The following FSTL4 variants were observed in gnomAD, a reference collection of about 807,000 sequenced individuals.
FSTL4 encodes the protein follistatin like 4.
FSTL4 carries 28 observed loss-of-function variants against 78.2 expected under a neutral mutation model. That is an observed-to-expected ratio of 0.36 (90% CI 0.27 to 0.49). The LOEUF is 0.49. Among genes scored for constraint, FSTL4 ranks in the 20% least tolerant of loss-of-function variants. The pLI is 0.98. For synonymous variants in FSTL4, 422 were observed against 440.5 expected (o/e 0.96, Z 0.53); for missense variants, 922 against 1,084.9 (o/e 0.85, Z 2.11).
intron 3 of FSTL4, among the ~76,000 whole-genome samples, chr5:133,524,153 AAGG>A (rs1759040742): frequency 6.6e-6 from 1 of 152,106 alleles, no homozygotes; most frequent in Non-Finnish European, 1.5e-5. Flanking sequence ...TGAGGGGCAG[AAGG>A]AGGACAGGTC....
chr5:133,692,338 G>A, the FSTL4 span, among the ~76,000 whole-genome samples: 3 of 152,296 alleles, frequency 2.0e-5, no homozygotes, highest in Non-Finnish European at 2.9e-5. Context: ...GAGCCTTAGC[G>A]TGGGTTTCAT....
intron 4 of FSTL4, among the ~76,000 whole-genome samples, chr5:133,372,628 T>C (rs1385883794): frequency 1.3e-5 from 2 of 152,202 alleles, no homozygotes; most frequent in Non-Finnish European, 2.9e-5. Flanking sequence ...ACCAGCCCGA[T>C]GAAAGAGAGC....
chr5:133,407,710 A>G (rs13166045), intron 3 of FSTL4, among the ~76,000 whole-genome samples: 54,691 of 152,132 alleles, frequency 0.36, 10,199 homozygotes, highest in Middle Eastern at 0.47. Context: ...CCAAAGCACA[A>G]ATAGGTTTCT....
the FSTL4 span, among the ~76,000 whole-genome samples, chr5:133,800,900 A>T: frequency 6.6e-6 from 1 of 151,742 alleles, no homozygotes; most frequent in African/African-American, 2.4e-5. Flanking sequence ...TTCCTGAGGG[A>T]CTGCCTGGTG....
chr5:133,390,627 C>T (rs1230189737), intron 4 of FSTL4, among the ~76,000 whole-genome samples: 1 of 152,240 alleles, frequency 6.6e-6, no homozygotes, highest in Non-Finnish European at 1.5e-5. Context: ...ACTCCACAGA[C>T]CTTACATTCA....
chr5:133,355,591 G>GGTTGTGGTGAGTC (rs1164313075), intron 4 of FSTL4, among the ~76,000 whole-genome samples: 4 of 152,208 alleles, frequency 2.6e-5, no homozygotes, highest in African/African-American at 9.7e-5. Flanking sequence ...GGGAGGCGGA[G>GGTTGTGGTGAGTC]GTTGTGGTGA....
intron 11 of FSTL4, 106 bp downstream of exon 11, chr5:133,224,084 G>C (rs1449797759): frequency 7.4e-6 from 6 of 808,376 alleles, no homozygotes; most frequent in Non-Finnish European, 1.3e-5. Flanking sequence ...GCTCCCATAG[G>C]GCTGCTTTGT....
chr5:133,232,708 C>CT (rs1174149663), intron 8 of FSTL4, among the ~76,000 whole-genome samples: 2 of 152,140 alleles, frequency 1.3e-5, no homozygotes, highest in African/African-American at 2.4e-5. Context: ...GGCAAGTGAC[C>CT]TTTTTTAGCA....
In FSTL4 at chr5:133,199,793, C is replaced by T; in HGVS notation, c.1831G>A (p.Gly611Ser). 2.0e-6 allele frequency: 3 copies of T among 1,533,186 alleles called. No homozygotes were observed. The highest frequency in any genetic ancestry group is 1.8e-6 in the Non-Finnish European group (2 of 1,130,760). The allele number at this position is 1,533,186 out of a possible 1,614,324, so 95.0% of individuals were successfully genotyped here. A position where few individuals can be genotyped will look rare whatever the true frequency, so the allele number is the denominator to read the frequency against. The part of the protein sequence containing the change: ...TNLIINHIRF[G>S]FIFNKSDPAV... ...GGATCAGACTTGTTGAAGATGAAGCCAAACCTGGGAGGGGAAGAACTGAGG... is the reference window on the plus strand; with the variant it reads ...GGATCAGACTTGTTGAAGATGAAGCTAAACCTGGGAGGGGAAGAACTGAGG... Residue 611 changes from glycine (G) to serine (S), a missense_variant, in exon 16 of 16, where the codon GGC becomes AGC. Coordinates refer to ENST00000265342, the MANE Select transcript of FSTL4 (RefSeq NM_015082.2). The surrounding 1 kb of genome is among the most constrained non-coding windows in gnomAD (Gnocchi z 4.4).
the FSTL4 span, among the ~76,000 whole-genome samples, chr5:133,658,720 T>C: frequency 6.6e-6 from 1 of 152,168 alleles, no homozygotes; most frequent in Non-Finnish European, 1.5e-5. Flanking sequence ...AGCTTAACTG[T>C]CTTACTTGCA....
rs111460588 is a variant in FSTL4, at chr5:133,517,136, A to C, written c.160+50050T>G. Among the ~76,000 whole-genome samples, 764 of 151,544 alleles carry C rather than the reference A, an allele frequency of 5.0e-3. 5 individuals are homozygous for C. The highest frequency in any genetic ancestry group is 0.018 in the African/African-American group (741 of 41,270). The stretch of plus-strand genomic sequence containing the variant: ...ACTCTCAACCGACTAAAAAATGTAC[A>C]AACTGGCCAGGGTCAGTGGCACATG... On this transcript the variant is annotated intron_variant, in intron 3 of 15. Transcript: ENST00000265342.
rs60297867 is a variant in FSTL4 at position 133,426,659 on chromosome 5, G to A, written c.161-25673C>T. Among the ~76,000 whole-genome samples the A allele has an allele frequency of 0.059, 9,037 of 152,198 alleles. 883 individuals are homozygous for A. The highest frequency in any genetic ancestry group is 0.2 in the African/African-American group (8,454 of 41,482). ...GAGTGGAGGCAAAAGTAGTAGAAGC[G>A]GTGGCAATGGGGGCTATGGAGGAGC... On this transcript the variant is annotated intron_variant, in intron 3 of 15. Coordinates refer to ENST00000265342, the MANE Select transcript of FSTL4 (RefSeq NM_015082.2). The surrounding 1 kb of genome is among the most constrained non-coding windows in gnomAD (Gnocchi z 5.0).
intron 11 of FSTL4, among the ~76,000 whole-genome samples, chr5:133,223,199 G>A (rs1181602762): frequency 6.6e-6 from 1 of 152,238 alleles, no homozygotes. Context: ...AGCCTAAGGG[G>A]CCGCTGTGAT....
chr5:133,818,053 G>C, the FSTL4 span, among the ~76,000 whole-genome samples: 1 of 152,182 alleles, frequency 6.6e-6, no homozygotes, highest in Non-Finnish European at 1.5e-5. Context: ...AGAGAACTTC[G>C]ATCCAAGAAT....
At chr5:133,540,244 CAT>C (rs1407676575) in intron 3 of FSTL4, among the ~76,000 whole-genome samples, 14 of 124,330 alleles carry the variant, frequency 1.1e-4, no homozygotes, top group African/African-American at 4.0e-4. Flanking sequence ...TAAACACACA[CAT>C]ACACACACAC....
intron 1 of FSTL4, among the ~76,000 whole-genome samples, chr5:133,607,372 CTT>C (rs1204276315): frequency 2.0e-5 from 3 of 152,162 alleles, no homozygotes; most frequent in Non-Finnish European, 2.9e-5. Flanking sequence ...TTGGTTAACA[CTT>C]ATATAGCAAT....
At chr5:133,222,146 A>G (rs1406236163) in intron 11 of FSTL4, among the ~76,000 whole-genome samples, 1 of 152,026 alleles carries the variant, frequency 6.6e-6, no homozygotes, top group African/African-American at 2.4e-5. Context: ...AGCCGCCTCC[A>G]GCGTCTGTGC....
chr5:133,581,004 T>C (rs1368580937), intron 2 of FSTL4, among the ~76,000 whole-genome samples: 2 of 152,144 alleles, frequency 1.3e-5, no homozygotes, highest in Non-Finnish European at 2.9e-5. Flanking sequence ...TGATTTTGGA[T>C]TGCTGTCTGA....
At chr5:133,775,909 T>C in the FSTL4 span, among the ~76,000 whole-genome samples, 2 of 152,160 alleles carry the variant, frequency 1.3e-5, no homozygotes, top group African/African-American at 4.8e-5. Flanking sequence ...TCAATGTTAA[T>C]TGTTTATTTT....
Sources: allele counts gnomAD v4.1 joint callset (sites outside exome capture counted in the v4.1 genomes callset), GRCh38; gene constraint gnomAD v4.1.1; non-coding constraint Gnocchi (gnomAD v3.1); transcripts MANE v1.5; gene names NCBI Gene and HGNC (gene_info 2026-07-23, HGNC 2026-07-21).